Variants in PRIM2 observed in about 807,000 individuals in gnomAD.
PRIM2 encodes the protein DNA primase large subunit.
PRIM2 carries 39 observed loss-of-function variants against 67.3 expected under a neutral mutation model. The ratio of observed to expected loss-of-function variants is 0.58; its 90% CI spans 0.45 to 0.76. The LOEUF (loss-of-function observed/expected upper bound fraction) is 0.76. Among genes scored for constraint, PRIM2 ranks in the 30% least tolerant of loss-of-function variants. The pLI is 0.00. For missense variants in PRIM2, 398 were observed against 598.7 expected (o/e 0.66, Z 3.50); for synonymous variants, 143 against 198.7 (o/e 0.72, Z 2.36).
At chr6:57,355,878 G>A (rs1321267221) in intron 5 of PRIM2, among the ~76,000 whole-genome samples, 2 of 152,072 alleles carry the variant, frequency 1.3e-5, no homozygotes, top group African/African-American at 4.8e-5. Flanking sequence ...CTGGGTTCAA[G>A]TGATCTGCCT....
At chr6:57,301,405 T>C in the PRIM2 span, among the ~76,000 whole-genome samples, 1 of 152,156 alleles carries the variant, frequency 6.6e-6, no homozygotes, top group Non-Finnish European at 1.5e-5. Flanking sequence ...GAGAATTGCT[T>C]GAACCCAGGA....
intron 5 of PRIM2, among the ~76,000 whole-genome samples, chr6:57,334,432 G>A (rs1768155775): frequency 6.6e-6 from 1 of 152,264 alleles, no homozygotes; most frequent in Admixed American, 6.5e-5. Flanking sequence ...CCCAGTAATA[G>A]ATTTTGCTGG....
intron 2 of PRIM2, among the ~76,000 whole-genome samples, chr6:57,319,120 G>A (rs1767568993): frequency 6.6e-6 from 1 of 152,166 alleles, no homozygotes; most frequent in Admixed American, 6.5e-5. Context: ...CCTATGCAAA[G>A]GCTTGGAGCA....
chr6:57,560,755 C>T (rs1775610204), intron 10 of PRIM2, among the ~76,000 whole-genome samples: 1 of 151,960 alleles, frequency 6.6e-6, no homozygotes, highest in African/African-American at 2.4e-5. Context: ...TGTAAGGAAT[C>T]CTTTTATCTG....
chr6:57,279,105 CG>C, the PRIM2 span, among the ~76,000 whole-genome samples: 2 of 152,132 alleles, frequency 1.3e-5, no homozygotes, highest in Non-Finnish European at 2.9e-5. Flanking sequence ...GGTGAAATTA[CG>C]GTCTGTGAAA....
At chr6:57,642,994 T>C (rs1470484459) in intron 13 of PRIM2, among the ~76,000 whole-genome samples, 1 of 152,220 alleles carries the variant, frequency 6.6e-6, no homozygotes, top group African/African-American at 2.4e-5. Flanking sequence ...TTGCTTTTCT[T>C]GACTCTTTAA....
intron 5 of PRIM2, among the ~76,000 whole-genome samples, chr6:57,351,772 G>A (rs977027599): frequency 6.7e-4 from 102 of 152,142 alleles, no homozygotes; most frequent in African/African-American, 2.4e-3. Context: ...TCAGGAGATC[G>A]TTGTTGAAAG....
chr6:57,241,476 G>A, the PRIM2 span, among the ~76,000 whole-genome samples: 1 of 148,864 alleles, frequency 6.7e-6, no homozygotes, highest in East Asian at 2.0e-4. Flanking sequence ...GTGTAAAACT[G>A]AAAACTTTTT....
rs559973000 is a variant in PRIM2, at chr6:57,369,361, G to A, written c.460-10540G>A. On this transcript the variant is annotated intron_variant, in intron 5 of 13. Coordinates refer to ENST00000615550, the MANE Select transcript of PRIM2 (RefSeq NM_000947.5). ...CAGCATATAAAACAACATAATTTTGGAATATGGAAATATAACTTTGCCAAA... is the reference window on the plus strand; with the variant it reads ...CAGCATATAAAACAACATAATTTTGAAATATGGAAATATAACTTTGCCAAA... Among the ~76,000 whole-genome samples, 830 of 152,226 alleles carry A rather than the reference G, an allele frequency of 5.5e-3. 7 individuals carry two copies. Among genetic ancestry groups the A allele is most frequent in the Non-Finnish European group, 8.1e-3 (553 of 68,018 alleles).
At chr6:57,230,815 C>T in the PRIM2 span, among the ~76,000 whole-genome samples, 1 of 152,104 alleles carries the variant, frequency 6.6e-6, no homozygotes, top group African/African-American at 2.4e-5. Flanking sequence ...ATCCTTTGTG[C>T]CCAGTTTGGT....
At chr6:57,544,240 T>A (rs1775239029) in intron 10 of PRIM2, among the ~76,000 whole-genome samples, 1 of 151,886 alleles carries the variant, frequency 6.6e-6, no homozygotes, top group African/African-American at 2.4e-5. Flanking sequence ...GCGGTTGGAA[T>A]GTCTCTGGTC....
At chr6:57,386,396 C>T (rs1238865680) in intron 7 of PRIM2, among the ~76,000 whole-genome samples, 4 of 117,940 alleles carry the variant, frequency 3.4e-5, no homozygotes, top group African/African-American at 1.4e-4. Flanking sequence ...CCAGCTTGGG[C>T]GACAGAGTGA....
At chr6:57,630,947 T>G (rs2127499254) in intron 12 of PRIM2, among the ~76,000 whole-genome samples, 1 of 152,314 alleles carries the variant, frequency 6.6e-6, no homozygotes, top group Admixed American at 6.5e-5. Context: ...ACAGGCCAGA[T>G]AGTCAGACTG....
chr6:57,633,342 C>T (rs1464005002), intron 13 of PRIM2, among the ~76,000 whole-genome samples: 1 of 152,036 alleles, frequency 6.6e-6, no homozygotes, highest in Non-Finnish European at 1.5e-5. Flanking sequence ...TTCCAGAGTC[C>T]ATGTTATTTA....
chr6:57,402,630 G>C (rs1342209267), intron 7 of PRIM2, among the ~76,000 whole-genome samples: 4 of 152,206 alleles, frequency 2.6e-5, no homozygotes, highest in Non-Finnish European at 5.9e-5. Flanking sequence ...TATGTTTGGG[G>C]AATGGTGTTA....
chr6:57,479,567 A>G (rs1264979326), intron 7 of PRIM2, among the ~76,000 whole-genome samples: 1 of 152,148 alleles, frequency 6.6e-6, no homozygotes, highest in Admixed American at 6.6e-5. Context: ...TTTAAGTGCA[A>G]TTTAATGTTC....
At chr6:57,501,331 C>T (rs1421224791) in intron 7 of PRIM2, among the ~76,000 whole-genome samples, 7 of 151,826 alleles carry the variant, frequency 4.6e-5, no homozygotes, top group African/African-American at 1.2e-4. Flanking sequence ...CAGAGTTTTG[C>T]TCTTGTCAGC....
chr6:57,441,107 A>G (rs5013420), intron 7 of PRIM2, among the ~76,000 whole-genome samples: 109,503 of 152,124 alleles, frequency 0.72, 39,789 homozygotes, highest in African/African-American at 0.83. Context: ...GCTGATTGTC[A>G]CTAGATAGGT....
At chr6:57,234,204 T>C in the PRIM2 span, among the ~76,000 whole-genome samples, 1 of 152,138 alleles carries the variant, frequency 6.6e-6, no homozygotes, top group African/African-American at 2.4e-5. Context: ...ATTTCAATGA[T>C]GATACAGTAA....
Sources: allele counts gnomAD v4.1 joint callset (sites outside exome capture counted in the v4.1 genomes callset), GRCh38; gene constraint gnomAD v4.1.1; transcripts MANE v1.5; gene names NCBI Gene and HGNC (gene_info 2026-07-23, HGNC 2026-07-21).